Variants in GNA14 observed in about 807,000 individuals in gnomAD.
GNA14 encodes the protein guanine nucleotide-binding protein subunit alpha-14.
GNA14 carries 50 observed loss-of-function variants against 42.0 expected under a neutral mutation model. The ratio of observed to expected loss-of-function variants is 1.19; its 90% CI spans 0.95 to 1.51. The LOEUF is 1.51. GNA14 is among the 40% of genes most tolerant of loss of function. The pLI is 0.00. For synonymous variants in GNA14, 173 were observed against 163.1 expected, an observed-to-expected ratio of 1.06 and a Z score of -0.46; for missense variants, 473 against 446.2, an observed-to-expected ratio of 1.06 and a Z score of -0.54.
chr9:77,631,256 C>G (rs1272366601), intron 1 of GNA14, among the ~76,000 whole-genome samples: 1 of 152,036 alleles, frequency 6.6e-6, no homozygotes, highest in Non-Finnish European at 1.5e-5. Context: ...GGGAAGAAAG[C>G]CTCCTTTCCT....
intron 1 of GNA14, among the ~76,000 whole-genome samples, chr9:77,531,340 C>A (rs1257128737): frequency 6.6e-6 from 1 of 152,174 alleles, no homozygotes; most frequent in Non-Finnish European, 1.5e-5. Context: ...TGTGATGAGA[C>A]CACGTGCCCC....
chr9:77,474,149 A>G (rs571276467), intron 2 of GNA14, among the ~76,000 whole-genome samples: 86 of 152,336 alleles, frequency 5.6e-4, no homozygotes, highest in African/African-American at 1.6e-3. Context: ...GAAAAAACCG[A>G]TAAGTTGGAC....
At chr9:77,488,973 C>T (rs971744299) in intron 2 of GNA14, among the ~76,000 whole-genome samples, 1 of 151,946 alleles carries the variant, frequency 6.6e-6, no homozygotes, top group Non-Finnish European at 1.5e-5. Context: ...AATATACAAA[C>T]CGTCTGACCA....
Position 77,623,634 on chromosome 9 carries a change from G to C in GNA14, c.124+24036C>G, listed in dbSNP as rs191841561. Among the ~76,000 whole-genome samples the C allele has an allele frequency of 2.3e-3, 348 of 152,294 alleles. 1 individual carries two copies. The highest frequency in any genetic ancestry group is 3.8e-3 in the Non-Finnish European group (257 of 68,020). ...CGCACGGAGAGTGAGCCAAAGCAGGGTGGGGCGTTGCCTCACCTGGGAAGC... is the reference window on the plus strand; with the variant it reads ...CGCACGGAGAGTGAGCCAAAGCAGGCTGGGGCGTTGCCTCACCTGGGAAGC... On this transcript the variant is annotated intron_variant, in intron 1 of 6. Coordinates refer to ENST00000341700, the MANE Select transcript of GNA14 (RefSeq NM_004297.4).
chr9:77,447,290 T>C (rs1353808083), intron 2 of GNA14, among the ~76,000 whole-genome samples: 1 of 152,198 alleles, frequency 6.6e-6, no homozygotes, highest in Non-Finnish European at 1.5e-5. Flanking sequence ...ATATATCCCT[T>C]TCTGCCACCC....
At chr9:77,548,333 A>T (rs569443761) in intron 1 of GNA14, among the ~76,000 whole-genome samples, 2 of 152,280 alleles carry the variant, frequency 1.3e-5, no homozygotes, top group Non-Finnish European at 2.9e-5. Context: ...CACCAGCCAC[A>T]ATTAATTTGG....
chr9:77,461,395 C>T (rs1364378132), intron 2 of GNA14, among the ~76,000 whole-genome samples: 13 of 152,204 alleles, frequency 8.5e-5, no homozygotes, highest in South Asian at 2.1e-4. Flanking sequence ...TGGGCCTCAA[C>T]GGTGATTCTT....
chr9:77,565,369 A>G (rs189234789), intron 1 of GNA14, among the ~76,000 whole-genome samples: 1 of 152,352 alleles, frequency 6.6e-6, no homozygotes, highest in East Asian at 1.9e-4. Context: ...AATGTTTTAT[A>G]TTGATTACAT....
At chr9:77,532,362 T>G (rs916575789) in intron 1 of GNA14, among the ~76,000 whole-genome samples, 4 of 152,190 alleles carry the variant, frequency 2.6e-5, no homozygotes, top group African/African-American at 7.2e-5. Context: ...GAGATTTCAA[T>G]CCCTGGAACT....
chr9:77,469,229 T>C (rs967849930), intron 2 of GNA14, among the ~76,000 whole-genome samples: 2 of 152,002 alleles, frequency 1.3e-5, no homozygotes, highest in African/African-American at 4.8e-5. Context: ...AGACTTAGCA[T>C]GTGCCCTATC....
chr9:77,646,582 G>C (rs28507663), intron 1 of GNA14, among the ~76,000 whole-genome samples: 2,911 of 152,218 alleles, frequency 0.019, 101 homozygotes, highest in African/African-American at 0.065. Flanking sequence ...TTCTTTCCTT[G>C]AAGCTTTCTG....
chr9:77,439,887 G>C (rs1252085725), intron 2 of GNA14, among the ~76,000 whole-genome samples: 1 of 152,160 alleles, frequency 6.6e-6, no homozygotes, highest in East Asian at 1.9e-4. Flanking sequence ...GATGTGACTT[G>C]GGTGGGGCAT....
At chr9:77,620,295 C>T (rs1028311853) in intron 1 of GNA14, among the ~76,000 whole-genome samples, 1 of 152,164 alleles carries the variant, frequency 6.6e-6, no homozygotes, top group Non-Finnish European at 1.5e-5. Flanking sequence ...ACATTAGAAG[C>T]CATACTGGGA....
chr9:77,482,154 T>C lies in GNA14; in HGVS notation c.309+46915A>G, dbSNP rs144817975. On this transcript the variant is annotated intron_variant, in intron 2 of 6. Transcript: ENST00000341700. ...AGTTTCTTCCTAGCCTTGATCGTCTTTACATTTTGGCATGTTTTTGCAGTG... is the reference window on the plus strand; with the variant it reads ...AGTTTCTTCCTAGCCTTGATCGTCTCTACATTTTGGCATGTTTTTGCAGTG... Among the ~76,000 whole-genome samples the C allele has an allele frequency of 3.6e-4, 55 of 152,362 alleles. No homozygotes were observed. In the East Asian group the frequency reaches 7.7e-3, roughly 21 times the overall value.
chr9:77,476,730 G>C (rs984984891), intron 2 of GNA14, among the ~76,000 whole-genome samples: 7 of 152,206 alleles, frequency 4.6e-5, no homozygotes, highest in Admixed American at 1.3e-4. Flanking sequence ...AAGAAAATTT[G>C]AGAAAATGGA....
chr9:77,623,369 G>A (rs1353465026), intron 1 of GNA14, among the ~76,000 whole-genome samples: 1 of 151,806 alleles, frequency 6.6e-6, no homozygotes, highest in African/African-American at 2.4e-5. Flanking sequence ...ATCTTGGGCT[G>A]AGATTGTAAA....
chr9:77,607,060 C>T (rs148125002), intron 1 of GNA14, among the ~76,000 whole-genome samples: 6 of 152,130 alleles, frequency 3.9e-5, no homozygotes, highest in South Asian at 4.1e-4. Context: ...GAGAAATAAA[C>T]GCTTGTTATT....
intron 1 of GNA14, among the ~76,000 whole-genome samples, chr9:77,646,392 G>A (rs891382044): frequency 1.3e-5 from 2 of 152,050 alleles, no homozygotes; most frequent in African/African-American, 2.4e-5. Flanking sequence ...TGGGTAGCAA[G>A]CCCCTTTGGA....
chr9:77,494,838 T>G (rs1836845851), intron 2 of GNA14, among the ~76,000 whole-genome samples: 1 of 152,104 alleles, frequency 6.6e-6, no homozygotes, highest in Admixed American at 6.6e-5. Flanking sequence ...CTCGCTTTGC[T>G]GCCCAGGCTG....
Sources: allele counts gnomAD v4.1 joint callset (sites outside exome capture counted in the v4.1 genomes callset), GRCh38; gene constraint gnomAD v4.1.1; transcripts MANE v1.5; gene names NCBI Gene and HGNC (gene_info 2026-07-23, HGNC 2026-07-21).